The following UBE3C variants were observed in gnomAD, a reference collection of about 807,000 sequenced individuals.
UBE3C encodes the protein ubiquitin protein ligase E3C, also known as ubiquitin-protein ligase E3C.
A neutral mutation model predicts 129.4 loss-of-function variants in UBE3C; 42 were observed. That is an observed-to-expected ratio of 0.32 (90% confidence interval 0.25 to 0.42). The LOEUF is 0.42. Among genes scored for constraint, UBE3C ranks in the 10% least tolerant of loss-of-function variants. UBE3C has a pLI of 1.00. For missense variants in UBE3C, 1,049 were observed against 1,319.1 expected (o/e 0.80, Z 3.17); for synonymous variants, 510 against 492.4 (o/e 1.04, Z -0.47).
At chr7:157,251,636 T>C (rs976159000) in intron 19 of UBE3C, among the ~76,000 whole-genome samples, 1 of 152,154 alleles carries the variant, frequency 6.6e-6, no homozygotes, top group Non-Finnish European at 1.5e-5. Flanking sequence ...AAATAGACTT[T>C]CTGGAGGAGC....
intron 2 of UBE3C, among the ~76,000 whole-genome samples, chr7:157,166,075 A>G (rs1052107114): frequency 6.6e-6 from 1 of 152,232 alleles, no homozygotes; most frequent in Non-Finnish European, 1.5e-5. Flanking sequence ...ATTTCATTAA[A>G]TAGGTTTCCT....
chr7:157,228,613 C>G (rs545800822), intron 17 of UBE3C, among the ~76,000 whole-genome samples: 1 of 152,304 alleles, frequency 6.6e-6, no homozygotes, highest in Non-Finnish European at 1.5e-5. Context: ...CAAGCTGGAG[C>G]CAAATGGCTT....
At chr7:157,258,543 T>C (rs1796816858) in intron 22 of UBE3C, among the ~76,000 whole-genome samples, 1 of 152,210 alleles carries the variant, frequency 6.6e-6, no homozygotes, top group African/African-American at 2.4e-5. Flanking sequence ...CACTGCAACC[T>C]CTGCCTCACA....
At chr7:157,224,713 GA>G (rs778510111) in intron 16 of UBE3C, among the ~76,000 whole-genome samples, 2 of 151,750 alleles carry the variant, frequency 1.3e-5, no homozygotes, top group African/African-American at 2.4e-5. Context: ...TTTGCATGGT[GA>G]ACAAAAGAGT....
intron 17 of UBE3C, among the ~76,000 whole-genome samples, chr7:157,226,402 A>G (rs553131364): frequency 3.3e-4 from 51 of 152,328 alleles, no homozygotes; most frequent in Non-Finnish European, 7.3e-5. Flanking sequence ...ATATATTAGC[A>G]GTTTTAACTT....
chr7:157,233,858 C>T (rs1796085477), intron 18 of UBE3C, among the ~76,000 whole-genome samples: 1 of 152,208 alleles, frequency 6.6e-6, no homozygotes, highest in African/African-American at 2.4e-5. Context: ...GTTGTCAGCA[C>T]TTACTTAGTG....
At chr7:157,187,126 A>AGATT in intron 10 of UBE3C, 105 bp downstream of exon 10, 1 of 1,294,022 alleles carries the variant, frequency 7.7e-7, no homozygotes, top group Non-Finnish European at 1.0e-6. Context: ...TTTCTGGTAG[A>AGATT]GATTGATGTA....
chr7:157,179,824 G>A (rs1424508664), intron 6 of UBE3C, among the ~76,000 whole-genome samples: 1 of 152,226 alleles, frequency 6.6e-6, no homozygotes, highest in East Asian at 1.9e-4. Context: ...ACTCATTTCA[G>A]CCTTGCTGCT....
chr7:157,223,222 T>C (rs1795786091), intron 15 of UBE3C, 32 bp from the exon 16 acceptor site: 1 of 1,603,936 alleles, frequency 6.2e-7, no homozygotes, highest in Non-Finnish European at 8.5e-7. Flanking sequence ...AAAGTACAAG[T>C]GAACTAATTA....
At chr7:157,171,540 T>C (rs943365080) in intron 4 of UBE3C, among the ~76,000 whole-genome samples, 8 of 151,392 alleles carry the variant, frequency 5.3e-5, no homozygotes, top group Non-Finnish European at 1.2e-4. Flanking sequence ...TGGTGGAAAA[T>C]ACAACCAGAT....
chr7:157,224,332 C>CT (rs1795815382), intron 16 of UBE3C, among the ~76,000 whole-genome samples: 1 of 152,014 alleles, frequency 6.6e-6, no homozygotes, highest in Non-Finnish European at 1.5e-5. Context: ...GTAGCTAGGA[C>CT]TACAGGCACG....
At position 157,163,856 on chromosome 7, in the gene UBE3C, A is replaced by G. The variant is rs755213822; in HGVS notation, c.113A>G (p.Lys38Arg). 1.4e-5 allele frequency: 22 copies of G among 1,613,394 alleles called. No homozygotes were observed. The highest frequency in any genetic ancestry group is 5.9e-6 in the Non-Finnish European group (7 of 1,179,678). ...LLHRTQEERR[K>R]REEERRRLKN... ...CATCGTACTCAGGAAGAAAGAAGAA[A>G]GAGAGAGGTAAAAACAGTTTTGTAA... Residue 38 changes from lysine (K) to arginine (R), a missense_variant, in exon 2 of 23, where the codon AAG becomes AGG. Physicochemically the swap from Lys to Arg is conservative, Grantham distance 26. Transcript: ENST00000348165.
At chr7:157,160,305 C>A (rs1371023510) in intron 1 of UBE3C, among the ~76,000 whole-genome samples, 1 of 152,136 alleles carries the variant, frequency 6.6e-6, no homozygotes. Context: ...GAACTCCTGA[C>A]CTCAGGCGAT....
intron 14 of UBE3C, among the ~76,000 whole-genome samples, chr7:157,219,536 A>G (rs970631594): frequency 2.0e-5 from 3 of 152,248 alleles, no homozygotes; most frequent in African/African-American, 7.2e-5. Context: ...CATCTTTAAC[A>G]ACACCATGAG....
At chr7:157,236,670 C>G (rs1045441846) in intron 18 of UBE3C, among the ~76,000 whole-genome samples, 5 of 152,036 alleles carry the variant, frequency 3.3e-5, no homozygotes, top group African/African-American at 4.8e-5. Flanking sequence ...TTTTGGTTGC[C>G]TTAGTCCTTA....
intron 18 of UBE3C, among the ~76,000 whole-genome samples, chr7:157,244,549 T>C (rs1233579801): frequency 1.3e-5 from 2 of 152,214 alleles, no homozygotes; most frequent in African/African-American, 2.4e-5. Context: ...ATGTTCACTT[T>C]AGAGCTGCCT....
At chr7:157,198,859 G>A (rs1453094540) in intron 10 of UBE3C, among the ~76,000 whole-genome samples, 1 of 152,106 alleles carries the variant, frequency 6.6e-6, no homozygotes, top group African/African-American at 2.4e-5. Flanking sequence ...TTAATAGTTT[G>A]TTTTATTATT....
chr7:157,244,917 C>T (rs1796437295), intron 18 of UBE3C, among the ~76,000 whole-genome samples: 1 of 152,060 alleles, frequency 6.6e-6, no homozygotes, highest in African/African-American at 2.4e-5. Flanking sequence ...GTACAGCTGG[C>T]TGAGAAGGCC....
chr7:157,181,382 T>G (rs1239626711), intron 6 of UBE3C, 136 bp from the exon 7 acceptor site: 1 of 744,750 alleles, frequency 1.3e-6, no homozygotes, highest in East Asian at 2.9e-5. Flanking sequence ...TTTGTTTAGT[T>G]TTCCTTGCTA....
Sources: allele counts gnomAD v4.1 joint callset (sites outside exome capture counted in the v4.1 genomes callset), GRCh38; gene constraint gnomAD v4.1.1; transcripts MANE v1.5; gene names NCBI Gene and HGNC (gene_info 2026-07-23, HGNC 2026-07-21).